C8orf34: variants seen among roughly 807,000 people sequenced by gnomAD.
The protein encoded by C8orf34 is chromosome 8 open reading frame 34, also known as uncharacterized protein C8orf34.
Under a neutral mutation model 68.3 loss-of-function variants are expected in C8orf34, and 65 were observed. The observed-to-expected ratio is 0.95, with a 90% CI of 0.78 to 1.17. C8orf34 has a LOEUF of 1.17. Ranked by LOEUF, C8orf34 falls within the 50% of genes most tolerant of loss-of-function variation. The pLI is 0.00. For synonymous variants in C8orf34, 244 were observed against 241.2 expected, an observed-to-expected ratio of 1.01 and a Z score of -0.11; for missense variants, 664 against 655.4, an observed-to-expected ratio of 1.01 and a Z score of -0.14.
chr8:68,705,931 C>G (rs150788656), intron 8 of C8orf34, among the ~76,000 whole-genome samples: 2 of 152,034 alleles, frequency 1.3e-5, no homozygotes, highest in Non-Finnish European at 2.9e-5. Context: ...GCGCTCTGCG[C>G]GTTGGAAAGG....
intron 1 of C8orf34, among the ~76,000 whole-genome samples, chr8:68,408,148 G>A (rs1023414349): frequency 1.3e-5 from 2 of 151,886 alleles, no homozygotes; most frequent in East Asian, 1.9e-4. Flanking sequence ...ATTCTCCCAG[G>A]AGCAGGAACC....
Position 68,375,966 on chromosome 8 carries a change from G to A in C8orf34, c.327+44627G>A, listed in dbSNP as rs189937981. 1.1e-3 allele frequency among the ~76,000 whole-genome samples: 167 copies of A among 152,156 alleles called. 1 individual carries two copies. Among genetic ancestry groups the A allele is most frequent in the Non-Finnish European group, 1.9e-3 (131 of 68,002 alleles). Reference sequence around the variant, plus strand: ...TCTACTTCCTTCCATCAACCCAACCGTTTGTCTATTCTTCAACTTTCATGG... The same window carrying A: ...TCTACTTCCTTCCATCAACCCAACCATTTGTCTATTCTTCAACTTTCATGG... On this transcript the variant is annotated intron_variant, in intron 1 of 13. Coordinates refer to ENST00000518698, the MANE Select transcript of C8orf34 (RefSeq NM_052958.4).
At chr8:68,589,917 TGGG>T (rs1205955058) in intron 7 of C8orf34, among the ~76,000 whole-genome samples, 3 of 73,840 alleles carry the variant, frequency 4.1e-5, no homozygotes, top group Middle Eastern at 0.017. Flanking sequence ...AAGAAAAAGA[TGGG>T]GGAGGGAGGG....
intron 11 of C8orf34, among the ~76,000 whole-genome samples, chr8:68,781,680 A>G (rs540486417): frequency 1.3e-5 from 2 of 152,326 alleles, no homozygotes; most frequent in South Asian, 2.1e-4. Flanking sequence ...GCTTGTTGGC[A>G]CTGATAAAGT....
At chr8:68,651,092 C>T (rs754813188) in intron 8 of C8orf34, among the ~76,000 whole-genome samples, 6 of 152,246 alleles carry the variant, frequency 3.9e-5, no homozygotes, top group African/African-American at 1.2e-4. Flanking sequence ...TCTAGCTCCT[C>T]TATCACCTTG....
At position 68,621,736 on chromosome 8, in the gene C8orf34, G is replaced by A. The variant is rs575527798; in HGVS notation, c.1106-18640G>A. Among the ~76,000 whole-genome samples, 225 of 152,196 alleles carry A rather than the reference G, an allele frequency of 1.5e-3. 1 individual carries two copies. The highest frequency in any genetic ancestry group is 5.2e-3 in the African/African-American group (217 of 41,518). On this transcript the variant is annotated intron_variant, in intron 7 of 13. Coordinates refer to ENST00000518698, the MANE Select transcript of C8orf34 (RefSeq NM_052958.4). The stretch of plus-strand genomic sequence containing the variant: ...TAAGTCTCACCTGATCTTCAACTTC[G>A]GTTAGTCAAGGCAAAACTGCTCACT...
At chr8:68,673,888 G>A (rs1031371003) in intron 8 of C8orf34, among the ~76,000 whole-genome samples, 3 of 152,096 alleles carry the variant, frequency 2.0e-5, no homozygotes, top group Non-Finnish European at 4.4e-5. Context: ...GTGACCACAG[G>A]GGTACTTGTG....
chr8:68,502,288 G>A (rs7844124), intron 5 of C8orf34, among the ~76,000 whole-genome samples: 7,522 of 152,136 alleles, frequency 0.049, 608 homozygotes, highest in African/African-American at 0.17. Context: ...GAGGAATCAG[G>A]TTCCCTTAGA....
intron 7 of C8orf34, among the ~76,000 whole-genome samples, chr8:68,580,746 G>A (rs542148684): frequency 2.0e-5 from 3 of 152,296 alleles, no homozygotes; most frequent in African/African-American, 4.8e-5. Context: ...TATTAACTTA[G>A]TATGAAGTAT....
chr8:68,658,482 A>C (rs528927066), intron 8 of C8orf34, among the ~76,000 whole-genome samples: 1 of 152,248 alleles, frequency 6.6e-6, no homozygotes. Flanking sequence ...TCAGCTCTTA[A>C]ATTCCCACTT....
intron 3 of C8orf34, among the ~76,000 whole-genome samples, chr8:68,458,689 T>C (rs902765330): frequency 2.0e-5 from 3 of 152,148 alleles, no homozygotes; most frequent in Non-Finnish European, 4.4e-5. Flanking sequence ...GGTTCCTCCA[T>C]AGGCTTCCCC....
chr8:68,720,929 G>A (rs978137072), intron 9 of C8orf34, among the ~76,000 whole-genome samples: 1 of 151,550 alleles, frequency 6.6e-6, no homozygotes, highest in African/African-American at 2.4e-5. Context: ...TTTTCAGAAT[G>A]TTCCATTCCA....
chr8:68,723,280 C>T (rs117618174), intron 10 of C8orf34, among the ~76,000 whole-genome samples: 32 of 152,148 alleles, frequency 2.1e-4, no homozygotes, highest in Non-Finnish European at 3.8e-4. Flanking sequence ...TTAGAAGCTA[C>T]GAGCATGTCC....
intron 10 of C8orf34, among the ~76,000 whole-genome samples, chr8:68,772,765 C>T (rs547286707): frequency 1.6e-5 from 2 of 127,764 alleles, no homozygotes; most frequent in Admixed American, 9.4e-5. Flanking sequence ...TTCCTTCTTT[C>T]CTTCCTTCCT....
chr8:68,471,997 T>C (rs1812399408), intron 4 of C8orf34, among the ~76,000 whole-genome samples: 1 of 151,678 alleles, frequency 6.6e-6, no homozygotes, highest in South Asian at 2.1e-4. Flanking sequence ...CTAGATAGTC[T>C]CTTCAGTTTG....
intron 10 of C8orf34, among the ~76,000 whole-genome samples, chr8:68,731,386 T>A (rs918952637): frequency 2.0e-5 from 3 of 152,232 alleles, no homozygotes; most frequent in African/African-American, 7.2e-5. Flanking sequence ...AAATACTTTA[T>A]ATTCCTGATA....
In C8orf34 at chr8:68,435,528, C is replaced by A. The variant is rs77689331; in HGVS notation, c.328-3971C>A. ...GCAATTCTTCGGTGTCTTTGTGGAA[C>A]CCTCATAGCTATCTCAGTCAGCAGT... On this transcript the variant is annotated intron_variant, in intron 1 of 13. Coordinates refer to ENST00000518698, the MANE Select transcript of C8orf34 (RefSeq NM_052958.4). Among the ~76,000 whole-genome samples the A allele has an allele frequency of 7.9e-5, 12 of 152,280 alleles. No individual in the cohort carries two copies. The East Asian group carries it at 2.3e-3, about 29-fold the overall frequency.
intron 12 of C8orf34, among the ~76,000 whole-genome samples, chr8:68,804,050 T>C (rs1302245488): frequency 1.3e-5 from 2 of 152,190 alleles, no homozygotes; most frequent in African/African-American, 2.4e-5. Flanking sequence ...CAGTAACATC[T>C]TCAATGTATC....
chr8:68,651,993 T>C (rs1819374391), intron 8 of C8orf34, among the ~76,000 whole-genome samples: 2 of 152,192 alleles, frequency 1.3e-5, no homozygotes, highest in African/African-American at 4.8e-5. Flanking sequence ...TGCTAAGTGA[T>C]ATCTATGGAC....
Sources: gnomAD v4.1 joint callset for allele counts (sites outside exome capture counted in the v4.1 genomes callset) on GRCh38, gnomAD v4.1.1 for gene constraint, MANE v1.5 for transcripts, NCBI Gene and HGNC (gene_info 2026-07-23, HGNC 2026-07-21) for gene names.